WWOX: variants seen among roughly 807,000 people sequenced by gnomAD.
WWOX encodes the protein WW domain-containing oxidoreductase.
Under a neutral mutation model 46.2 loss-of-function variants are expected in WWOX, and 69 were observed. The observed-to-expected ratio is 1.49, with a 90% CI of 1.23 to 1.82. The LOEUF (loss-of-function observed/expected upper bound fraction) is 1.82, where lower values mean the gene tolerates loss of function less well. Ranked by LOEUF, WWOX falls within the 40% of genes most tolerant of loss-of-function variation. WWOX has a pLI of 0.00. For missense variants in WWOX, 919 were observed against 542.6 expected, an observed-to-expected ratio of 1.69 and a Z score of -6.89; for synonymous variants, 359 against 202.6, an observed-to-expected ratio of 1.77 and a Z score of -6.56.
chr16:78,788,844 C>A (rs1052947854), intron 8 of WWOX, among the ~76,000 whole-genome samples: 6 of 152,174 alleles, frequency 3.9e-5, no homozygotes, highest in African/African-American at 7.2e-5. Context: ...GAGCCTCCAA[C>A]CTCCAACTAA....
At chr16:78,470,023 T>C (rs538457321) in intron 8 of WWOX, among the ~76,000 whole-genome samples, 2 of 152,352 alleles carry the variant, frequency 1.3e-5, no homozygotes, top group African/African-American at 4.8e-5. Flanking sequence ...TGCTCAAAGA[T>C]AGTAGAAGTT....
intron 5 of WWOX, among the ~76,000 whole-genome samples, chr16:78,362,942 A>G (rs2081442857): frequency 6.6e-6 from 1 of 152,202 alleles, no homozygotes; most frequent in African/African-American, 2.4e-5. Flanking sequence ...TGCATGGGAC[A>G]GTGTCCAGAG....
intron 8 of WWOX, among the ~76,000 whole-genome samples, chr16:78,976,405 T>C (rs2046573428): frequency 6.6e-6 from 1 of 152,180 alleles, no homozygotes. Flanking sequence ...GAGTCTCAGA[T>C]TCGGAGCATG....
intron 4 of WWOX, among the ~76,000 whole-genome samples, chr16:78,151,112 A>G (rs1005478238): frequency 6.6e-6 from 1 of 150,872 alleles, no homozygotes; most frequent in East Asian, 2.0e-4. Context: ...CTTGGGTTTA[A>G]GTGATCCTCT....
At chr16:78,982,175 C>G (rs986657871) in intron 8 of WWOX, among the ~76,000 whole-genome samples, 1 of 152,112 alleles carries the variant, frequency 6.6e-6, no homozygotes, top group Non-Finnish European at 1.5e-5. Context: ...AAGAAACGAC[C>G]CCAAACAGCC....
intron 8 of WWOX, among the ~76,000 whole-genome samples, chr16:79,094,243 C>CTTTTTTT (rs746687673): frequency 1.9e-4 from 26 of 138,392 alleles, no homozygotes; most frequent in Non-Finnish European, 2.8e-4. Flanking sequence ...TGAGGTTTTT[C>CTTTTTTT]TTTTTTTTTT....
intron 4 of WWOX, among the ~76,000 whole-genome samples, chr16:78,155,436 T>C (rs904892392): frequency 3.3e-5 from 5 of 152,194 alleles, no homozygotes; most frequent in Admixed American, 1.3e-4. Flanking sequence ...TTGCACCTTT[T>C]CCATTTCATA....
chr16:78,236,668 T>C (rs1383907270), intron 5 of WWOX, among the ~76,000 whole-genome samples: 14 of 152,300 alleles, frequency 9.2e-5, no homozygotes, highest in Non-Finnish European at 2.1e-4. Flanking sequence ...CATGAACCTG[T>C]ATATCAAAAA....
chr16:78,957,681 C>G (rs9319530), intron 8 of WWOX, among the ~76,000 whole-genome samples: 81,468 of 152,152 alleles, frequency 0.54, 22,438 homozygotes, highest in East Asian at 0.9. Context: ...AAGGGATTTT[C>G]AAGCAGTTGT....
chr16:79,082,290 G>A (rs956562538), intron 8 of WWOX, among the ~76,000 whole-genome samples: 1 of 152,182 alleles, frequency 6.6e-6, no homozygotes. Flanking sequence ...ACTTTGATTT[G>A]AGACCCGTTT....
chr16:79,108,540 C>G (rs2049354096), intron 8 of WWOX, among the ~76,000 whole-genome samples: 1 of 152,226 alleles, frequency 6.6e-6, no homozygotes, highest in Admixed American at 6.5e-5. Context: ...CATCTGGGCA[C>G]TTCATATGCC....
At chr16:78,383,207 C>T (rs1011884686) in intron 5 of WWOX, among the ~76,000 whole-genome samples, 2 of 151,924 alleles carry the variant, frequency 1.3e-5, no homozygotes, top group Non-Finnish European at 2.9e-5. Flanking sequence ...AGAGCCAAAC[C>T]ACATCAGGTG....
intron 8 of WWOX, among the ~76,000 whole-genome samples, chr16:78,671,021 G>A (rs952161402): frequency 3.3e-5 from 5 of 152,078 alleles, no homozygotes; most frequent in Admixed American, 2.0e-4. Context: ...GGCTACACCA[G>A]AAGCTGGAAC....
intron 4 of WWOX, among the ~76,000 whole-genome samples, chr16:78,141,569 T>G (rs180931801): frequency 7.9e-5 from 12 of 151,922 alleles, no homozygotes; most frequent in African/African-American, 2.4e-4. Flanking sequence ...GGATTGTTCA[T>G]AGACACTGAA....
At chr16:78,250,344 T>A (rs768319899) in intron 5 of WWOX, among the ~76,000 whole-genome samples, 1 of 152,234 alleles carries the variant, frequency 6.6e-6, no homozygotes, top group South Asian at 2.1e-4. Context: ...TGTGTAACTT[T>A]AGGCAAATAA....
chr16:78,590,992 G>A (rs112697750), intron 8 of WWOX, among the ~76,000 whole-genome samples: 2,523 of 152,190 alleles, frequency 0.017, 52 homozygotes, highest in East Asian at 0.079. Flanking sequence ...TGGGGTACAC[G>A]TACAAGGCGC....
At chr16:78,742,482 C>G (rs1477720003) in intron 8 of WWOX, among the ~76,000 whole-genome samples, 2 of 152,176 alleles carry the variant, frequency 1.3e-5, no homozygotes, top group Non-Finnish European at 2.9e-5. Flanking sequence ...AAGTATTTAT[C>G]TACAGCGTGG....
chr16:78,981,327 G>T lies in WWOX; in HGVS notation c.1057-230281G>T, dbSNP rs186973790. ...GGGAATAACCAAAAATGCTGGGTGG[G>T]GGGGGAAAACGCCAGCAGATCTCTT... is the stretch of plus-strand genomic sequence containing the variant. On this transcript the variant is annotated intron_variant, in intron 8 of 8. Transcript: ENST00000566780. Among the ~76,000 whole-genome samples the T allele has an allele frequency of 1.4e-3, 216 of 152,280 alleles. 1 individual carries two copies. The highest frequency in any genetic ancestry group is 4.8e-3 in the African/African-American group (201 of 41,552).
chr16:79,020,474 C>T (rs956406433), intron 8 of WWOX, among the ~76,000 whole-genome samples: 1 of 152,148 alleles, frequency 6.6e-6, no homozygotes, highest in African/African-American at 2.4e-5. Context: ...TAGTCTCTGT[C>T]CCAGGGGAGT....
Sources: gnomAD v4.1 joint callset for allele counts (sites outside exome capture counted in the v4.1 genomes callset) on GRCh38, gnomAD v4.1.1 for gene constraint, MANE v1.5 for transcripts, NCBI Gene and HGNC (gene_info 2026-07-23, HGNC 2026-07-21) for gene names.